The following NREP variants were observed in gnomAD, a reference collection of about 807,000 sequenced individuals.
NREP encodes neuronal regeneration-related protein.
Under a neutral mutation model 8.6 loss-of-function variants are expected in NREP, and 5 were observed. That is an observed-to-expected ratio of 0.58 (90% CI 0.30 to 1.22). The LOEUF is 1.22. NREP is among the 50% of genes most tolerant of loss of function. The pLI is 0.07. For synonymous variants in NREP, 27 were observed against 28.0 expected (o/e 0.96, Z 0.11); for missense variants, 86 against 82.5 (o/e 1.04, Z -0.17).
In NREP at chr5:111,772,162, A is replaced by G. The variant is rs534070985; in HGVS notation, c.136-36655T>C. On this transcript the variant is annotated intron_variant, in intron 2 of 3. Coordinates refer to the NREP transcript ENST00000395634. The stretch of plus-strand genomic sequence containing the variant: ...GCTTGAAATGTAATTACTGTGTGAA[A>G]ATTTACAAGCTAGGTTTTCTGCTTA... Among the ~76,000 whole-genome samples the G allele has an allele frequency of 3.3e-3, 505 of 152,288 alleles. 6 individuals carry two copies. Among genetic ancestry groups the G allele is most frequent in the Non-Finnish European group, 3.2e-3 (219 of 68,014 alleles).
At chr5:111,922,030 G>A (rs1284113424) in intron 2 of NREP, among the ~76,000 whole-genome samples, 2 of 152,138 alleles carry the variant, frequency 1.3e-5, no homozygotes, top group South Asian at 2.1e-4. Flanking sequence ...CCAGTCTCAG[G>A]TATGTCTTTA....
chr5:111,818,325 T>G (rs1486579877), intron 2 of NREP, among the ~76,000 whole-genome samples: 3 of 152,178 alleles, frequency 2.0e-5, no homozygotes, highest in Non-Finnish European at 4.4e-5. Flanking sequence ...GCAACTTCCT[T>G]ACAAAAAGAA....
rs549012994 is a variant in NREP, at chr5:111,967,168, G to T, written c.135+8106C>A. The stretch of plus-strand genomic sequence containing the variant: ...ACTTATCCAGCCCAATACTCCAACA[G>T]TGCTAGATTGAGAAACCCTGACCTA... On this transcript the variant is annotated intron_variant, in intron 2 of 3. Transcript: ENST00000395634. Among the ~76,000 whole-genome samples, 3 of 152,306 alleles carry T rather than the reference G, an allele frequency of 2.0e-5. 1 individual carries two copies. In the South Asian group the frequency reaches 6.2e-4, roughly 32 times the overall value.
intron 2 of NREP, among the ~76,000 whole-genome samples, chr5:111,863,397 G>T (rs1753595965): frequency 6.6e-6 from 1 of 152,250 alleles, no homozygotes; most frequent in Non-Finnish European, 1.5e-5. Context: ...AAGTCGAGGT[G>T]AGTAGTTGGA....
At chr5:111,932,196 A>T (rs1282536098) in intron 2 of NREP, among the ~76,000 whole-genome samples, 2 of 151,926 alleles carry the variant, frequency 1.3e-5, no homozygotes, top group Non-Finnish European at 2.9e-5. Flanking sequence ...AAGGCAGGGT[A>T]ACTATAGATG....
intron 2 of NREP, among the ~76,000 whole-genome samples, chr5:111,912,165 G>A (rs1507844): frequency 0.6 from 91,570 of 151,870 alleles, 28,066 homozygotes; most frequent in Non-Finnish European, 0.65. Flanking sequence ...CTTTCATCTT[G>A]TGCACACATT....
rs551298226 is a variant in NREP at position 111,961,225 on chromosome 5, C to T, written c.135+14049G>A. Among the ~76,000 whole-genome samples the T allele has an allele frequency of 4.3e-4, 66 of 152,314 alleles. 1 individual carries two copies. The South Asian group carries it at 4.3e-3, about 10-fold the overall frequency. On this transcript the variant is annotated intron_variant, in intron 2 of 3. Transcript: ENST00000395634. ...CCATGAGCTGCAGCACTTTGCTTCT[C>T]ATGGATTATTTGTAAGCGGGACAGA...
At chr5:111,942,319 C>G (rs1385355603) in intron 2 of NREP, among the ~76,000 whole-genome samples, 3 of 152,018 alleles carry the variant, frequency 2.0e-5, no homozygotes, top group Admixed American at 2.0e-4. Flanking sequence ...TTAAAAAAAT[C>G]TCATGAGAGT....
At chr5:111,915,102 T>A (rs761210857) in intron 2 of NREP, among the ~76,000 whole-genome samples, 5 of 152,258 alleles carry the variant, frequency 3.3e-5, no homozygotes, top group African/African-American at 1.2e-4. Context: ...TCCTGTGGCC[T>A]CATCAGGGAC....
chr5:111,754,639 CT>C (rs1013802831), intron 2 of NREP, among the ~76,000 whole-genome samples: 33 of 152,304 alleles, frequency 2.2e-4, no homozygotes, highest in African/African-American at 7.7e-4. Context: ...ATGTTCACTT[CT>C]TTTGTCTTTC....
chr5:111,814,378 TG>T (rs1012314072), intron 2 of NREP, among the ~76,000 whole-genome samples: 4 of 152,144 alleles, frequency 2.6e-5, no homozygotes, highest in African/African-American at 9.7e-5. Context: ...GGGTATGTTG[TG>T]GGCCAAAATA....
intron 2 of NREP, among the ~76,000 whole-genome samples, chr5:111,957,463 G>A (rs1406393716): frequency 6.6e-6 from 1 of 151,628 alleles, no homozygotes; most frequent in East Asian, 1.9e-4. Flanking sequence ...AAAACTTAAA[G>A]GCACAAATAA....
chr5:111,877,101 G>A (rs929162107), intron 2 of NREP, among the ~76,000 whole-genome samples: 7 of 151,918 alleles, frequency 4.6e-5, no homozygotes, highest in Admixed American at 3.3e-4. Context: ...TCTGGTTACC[G>A]GTATAACAAA....
intron 2 of NREP, among the ~76,000 whole-genome samples, chr5:111,769,273 C>T (rs905549225): frequency 6.6e-6 from 1 of 152,186 alleles, no homozygotes; most frequent in Non-Finnish European, 1.5e-5. Context: ...AAATGCTAGG[C>T]ACCAGAGTTA....
At chr5:111,771,927 CTG>C (rs1193381190) in intron 2 of NREP, among the ~76,000 whole-genome samples, 2 of 152,082 alleles carry the variant, frequency 1.3e-5, no homozygotes, top group East Asian at 1.9e-4. Flanking sequence ...AGCAAAAAAA[CTG>C]TGATTATAGA....
At chr5:111,819,533 C>G (rs1021289895) in intron 2 of NREP, among the ~76,000 whole-genome samples, 1 of 152,156 alleles carries the variant, frequency 6.6e-6, no homozygotes, top group Non-Finnish European at 1.5e-5. Flanking sequence ...CACCAAGGAA[C>G]AAGCATTTTG....
chr5:111,973,102 G>C (rs970662531), intron 2 of NREP, among the ~76,000 whole-genome samples: 2 of 152,138 alleles, frequency 1.3e-5, no homozygotes, highest in African/African-American at 4.8e-5. Flanking sequence ...CATTTATGCT[G>C]TCATCTTAGG....
chr5:111,914,642 A>G (rs575486346), intron 2 of NREP, among the ~76,000 whole-genome samples: 46 of 152,134 alleles, frequency 3.0e-4, no homozygotes, highest in Non-Finnish European at 4.9e-4. Context: ...TCCTGGCAAA[A>G]CTGCTGGTGA....
At chr5:111,765,295 C>G (rs1214258727) in intron 2 of NREP, among the ~76,000 whole-genome samples, 8 of 152,164 alleles carry the variant, frequency 5.3e-5, no homozygotes, top group African/African-American at 1.7e-4. Context: ...GGCAGTAATG[C>G]TTGCTCACCC....
Sources: allele counts gnomAD v4.1 joint callset (sites outside exome capture counted in the v4.1 genomes callset), GRCh38; gene constraint gnomAD v4.1.1; transcripts MANE v1.5; gene names NCBI Gene and HGNC (gene_info 2026-07-23, HGNC 2026-07-21).